SPTY2D1: variants seen among roughly 807,000 people sequenced by gnomAD.
The protein encoded by SPTY2D1 is protein SPT2 homolog.
In SPTY2D1, 21 loss-of-function variants were observed where a neutral mutation model predicts 64.0. The ratio of observed to expected loss-of-function variants is 0.33; its 90% CI spans 0.23 to 0.47. SPTY2D1 has a LOEUF of 0.47. Ranked by LOEUF, SPTY2D1 falls within the 20% of genes least tolerant of loss-of-function variation. SPTY2D1 has a pLI of 1.00. For synonymous variants in SPTY2D1, 287 were observed against 286.8 expected (o/e 1.00, Z -0.01); for missense variants, 724 against 837.2 (o/e 0.86, Z 1.67).
chr11:18,627,535 G>A (rs1313667574), intron 1 of SPTY2D1, among the ~76,000 whole-genome samples: 1 of 152,028 alleles, frequency 6.6e-6, no homozygotes, highest in Non-Finnish European at 1.5e-5. Flanking sequence ...TTGAGGTCAG[G>A]AGTCCAAGAC....
At position 18,616,028 on chromosome 11, in the gene SPTY2D1, T is replaced by G. The variant is rs35846956; in HGVS notation, c.246A>C (p.Ala82=). The change falls in exon 3 of 6, where the codon GCA becomes GCC. Residue 82 remains alanine, a synonymous_variant. Coordinates refer to ENST00000336349, the MANE Select transcript of SPTY2D1 (RefSeq NM_194285.3). ...KRIELKHDKK[A]RAMAKRTKDN... ...CCTTTGTCCTCTTGGCCATAGCTCT[T>G]GCTTTCTTGTCATGTTTGAGCTCAA... 1 of 1,614,102 alleles carries G rather than the reference T, an allele frequency of 6.2e-7. No homozygotes were observed. Among genetic ancestry groups the G allele is most frequent in the African/African-American group, 1.3e-5 (1 of 75,034 alleles).
intron 1 of SPTY2D1, among the ~76,000 whole-genome samples, chr11:18,630,809 T>TTTTTA (rs1184756802): frequency 6.6e-6 from 1 of 152,094 alleles, no homozygotes; most frequent in Non-Finnish European, 1.5e-5. Flanking sequence ...TAGCTGTCTT[T>TTTTTA]TTTTATTTTA....
At chr11:18,632,809 G>T (rs139122641) in intron 1 of SPTY2D1, among the ~76,000 whole-genome samples, 1 of 152,172 alleles carries the variant, frequency 6.6e-6, no homozygotes, top group African/African-American at 2.4e-5. Context: ...AATAAGAAAT[G>T]ACTTAGTTCT....
Position 18,612,912 on chromosome 11 carries a change from G to A in SPTY2D1, c.1712-424C>T, listed in dbSNP as rs1000661750. Among the ~76,000 whole-genome samples the A allele has an allele frequency of 1.3e-5, 2 of 152,000 alleles. No homozygotes were observed. The highest frequency in any genetic ancestry group is 2.4e-5 in the African/African-American group (1 of 41,376). On this transcript the variant is annotated intron_variant, in intron 3 of 5. Coordinates refer to ENST00000336349, the MANE Select transcript of SPTY2D1 (RefSeq NM_194285.3). The surrounding 1 kb of genome is among the most constrained non-coding windows in gnomAD (Gnocchi z 4.6). ...CCCGAGTAGCTGGGATTATAGGCAT[G>A]TGCCACAACGCCTGGCTAATTTTGT...
chr11:18,631,455 G>A (rs1854585940), intron 1 of SPTY2D1, among the ~76,000 whole-genome samples: 1 of 151,982 alleles, frequency 6.6e-6, no homozygotes, highest in South Asian at 2.1e-4. Flanking sequence ...TACTCAGGAG[G>A]CTGAGGCAGG....
chr11:18,625,817 CTTT>C (rs779130410), intron 1 of SPTY2D1, among the ~76,000 whole-genome samples: 5 of 118,906 alleles, frequency 4.2e-5, no homozygotes, highest in Middle Eastern at 4.3e-3. Flanking sequence ...CCAACACTTT[CTTT>C]TTTTTTTTTT....
In SPTY2D1 at chr11:18,612,447, G is replaced by A; in HGVS notation, c.1753C>T (p.Arg585Ter). ...TCGTCATCTTCCTCTTCATATTCTCGCTGCCTTTTGTAACCAGTAGGGAAG... is the reference window on the plus strand; with the variant it reads ...TCGTCATCTTCCTCTTCATATTCTCACTGCCTTTTGTAACCAGTAGGGAAG... ...LPFPTGYKRQ[R>*]EYEEEDDDDD... The change falls in exon 4 of 6, where the codon CGA becomes TGA. Residue 585 changes from arginine to a stop codon, truncating the protein, a stop_gained. Transcript: ENST00000336349. LOFTEE classifies it high-confidence loss of function. This position sits in a 1 kb window ranked among gnomAD's most constrained non-coding sequence, Gnocchi z 4.6. The A allele has an allele frequency of 6.2e-7, 1 of 1,606,016 alleles. No individual in the cohort carries two copies. Among genetic ancestry groups the A allele is most frequent in the Admixed American group, 1.7e-5 (1 of 59,264 alleles).
In SPTY2D1 at chr11:18,614,815, G is replaced by A. The variant is rs139020346; in HGVS notation, c.1459C>T (p.Arg487Trp). Reference protein sequence around the residue: ...RPVSGLGPPGRSVSGPGRSIS... With the variant: ...RPVSGLGPPGWSVSGPGRSIS... Reference sequence around the variant, plus strand: ...GATCTCCCAGGGCCACTGACAGACCGCCCCGGGGGGCCCAAGCCACTCACT... The same window carrying A: ...GATCTCCCAGGGCCACTGACAGACCACCCCGGGGGGCCCAAGCCACTCACT... The change falls in exon 3 of 6, where the codon CGG (arginine) becomes TGG (tryptophan). Residue 487 changes from arginine to tryptophan, a missense_variant. Around this residue, in one of 3 missense-constraint regions of SPTY2D1, gnomAD observed 426 missense variants for 431.8 expected, o/e 0.99. Coordinates refer to ENST00000336349, the MANE Select transcript of SPTY2D1 (RefSeq NM_194285.3). 16 of 1,613,054 alleles carry A rather than the reference G, an allele frequency of 9.9e-6. No individual in the cohort carries two copies. In the East Asian group the frequency reaches 1.1e-4, roughly 11 times the overall value.
chr11:18,615,424 G>T lies in SPTY2D1; in HGVS notation c.850C>A (p.Pro284Thr). Residue 284 changes from proline to threonine, a missense_variant, in exon 3 of 6, where the codon CCA becomes ACA. By Grantham distance (38) the Pro-to-Thr change is conservative. This residue lies in a region of SPTY2D1 where 426 missense variants were observed against 431.8 expected (regional missense o/e 0.99). Transcript: ENST00000336349. ...GATCCTGCCTTGATCCTCTCTCCTGGCATGGATTTGGATGAAGACAAAGCG... is the reference window on the plus strand; with the variant it reads ...GATCCTGCCTTGATCCTCTCTCCTGTCATGGATTTGGATGAAGACAAAGCG... ...HLALSSSKSM[P>T]GERIKAGSGN... 6.2e-7 allele frequency: 1 copy of T among 1,614,194 alleles called. No homozygotes were observed. The highest frequency in any genetic ancestry group is 1.1e-5 in the South Asian group (1 of 91,088).
rs1321911540 is a variant in SPTY2D1 at position 18,612,828 on chromosome 11, G to A, written c.1712-340C>T. The stretch of plus-strand genomic sequence containing the variant: ...TGCCTAGGCTGGAGTGCAATGGTGC[G>A]ATCTCGGCTCACTGCAACCTCTGCC... On this transcript the variant is annotated intron_variant, in intron 3 of 5. Transcript: ENST00000336349. This position sits in a 1 kb window ranked among gnomAD's most constrained non-coding sequence, Gnocchi z 4.6. Among the ~76,000 whole-genome samples, 3 of 151,016 alleles carry A rather than the reference G, an allele frequency of 2.0e-5. No homozygotes were observed. Among genetic ancestry groups the A allele is most frequent in the Non-Finnish European group, 2.9e-5 (2 of 67,906 alleles).
At chr11:18,622,103 A>AAAAAAAAAAAAAAAAAAAAAAAAAC in intron 1 of SPTY2D1, among the ~76,000 whole-genome samples, 2 of 147,958 alleles carry the variant, frequency 1.4e-5, no homozygotes, top group African/African-American at 4.9e-5. Context: ...AAAAAAAAAA[A>AAAAAAAAAAAAAAAAAAAAAAAAAC]ACCAAAACCA....
Position 18,615,916 on chromosome 11 carries a change from C to A in SPTY2D1, c.358G>T (p.Asp120Tyr), listed in dbSNP as rs572316263. ...ATESHTSQGT[D>Y]REYEMEEENE... ...TCTTCTTCCATTTCATACTCTCGGT[C>A]GGTTCCTTGGCTGGTATGGCTTTCT... Residue 120 changes from aspartate (D) to tyrosine (Y), a missense_variant, in exon 3 of 6, where the codon GAC (aspartate) becomes TAC (tyrosine). By Grantham distance (160) the Asp-to-Tyr change is radical (BLOSUM62 -3). Transcript: ENST00000336349. 2 of 1,613,992 alleles carry A rather than the reference C, an allele frequency of 1.2e-6. No homozygotes were observed. The highest frequency in any genetic ancestry group is 1.7e-6 in the Non-Finnish European group (2 of 1,180,042).
chr11:18,632,491 G>A (rs775278573), intron 1 of SPTY2D1, among the ~76,000 whole-genome samples: 3 of 152,008 alleles, frequency 2.0e-5, no homozygotes, highest in Non-Finnish European at 4.4e-5. Flanking sequence ...TGGGATTACA[G>A]GCGCACACCA....
At chr11:18,623,986 T>C (rs761621497) in intron 1 of SPTY2D1, among the ~76,000 whole-genome samples, 1 of 152,252 alleles carries the variant, frequency 6.6e-6, no homozygotes, top group Non-Finnish European at 1.5e-5. Flanking sequence ...TTGGCTATTA[T>C]GAATAATGCT....
In SPTY2D1 at chr11:18,622,086, CAAAA is replaced by C. The variant is rs747593791; in HGVS notation, c.61-5101_61-5098del. On this transcript the variant is annotated intron_variant, in intron 1 of 5. Coordinates refer to ENST00000336349, the MANE Select transcript of SPTY2D1 (RefSeq NM_194285.3). ...TGAACAACAGAGTAAGACCCTATCT[CAAAA>C]AAAAAAAAAAAAAACCAAAACCAAA... 2.3e-3 allele frequency among the ~76,000 whole-genome samples: 27 copies of C among 11,834 alleles called. 1 individual carries two copies. The highest frequency in any genetic ancestry group is 5.2e-3 in the Admixed American group (3 of 572). 7.8% of individuals were successfully genotyped at this position (11,834 alleles called of 152,430 possible). A position where few individuals can be genotyped will look rare whatever the true frequency, so the allele number is the denominator to read the frequency against.
At position 18,609,580 on chromosome 11, in the gene SPTY2D1, C is replaced by T; in HGVS notation, c.*281G>A. 2.7e-6 allele frequency: 1 copy of T among 369,614 alleles called. No individual in the cohort carries two copies. 22.9% of individuals were successfully genotyped at this position (369,614 alleles called of 1,614,324 possible). A position where few individuals can be genotyped will look rare whatever the true frequency, so the allele number is the denominator to read the frequency against. On this transcript the variant is annotated 3_prime_UTR_variant, in exon 6 of 6. Transcript: ENST00000336349. Reference sequence around the variant, plus strand: ...ATTGGCTGACTGGTGAGTGGCCCCACATTAGAGTGCATAGCTCATCAGGAT... The same window carrying T: ...ATTGGCTGACTGGTGAGTGGCCCCATATTAGAGTGCATAGCTCATCAGGAT...
In SPTY2D1 at chr11:18,606,678, A is replaced by G; in HGVS notation, c.*3183T>C. Reference sequence around the variant, plus strand: ...AATAAATAGTAGTCTAATATATTCAATACATTGAAAATAAAACAACCAGTC... The same window carrying G: ...AATAAATAGTAGTCTAATATATTCAGTACATTGAAAATAAAACAACCAGTC... On this transcript the variant is annotated 3_prime_UTR_variant, in exon 6 of 6. Coordinates refer to ENST00000336349, the MANE Select transcript of SPTY2D1 (RefSeq NM_194285.3). 1 of 410,036 alleles carries G rather than the reference A, an allele frequency of 2.4e-6. No homozygotes were observed. The highest frequency in any genetic ancestry group is 1.8e-5 in the South Asian group (1 of 55,138). The allele number at this position is 410,036 out of a possible 1,614,324, so 25.4% of individuals were successfully genotyped here.
chr11:18,614,213 C>T (rs950730136), intron 3 of SPTY2D1, among the ~76,000 whole-genome samples: 2 of 152,072 alleles, frequency 1.3e-5, no homozygotes, highest in African/African-American at 2.4e-5. Flanking sequence ...CTCTGAGCCC[C>T]GGAGTTAGAA....
At chr11:18,610,065 A>ATTTTTGTG in intron 5 of SPTY2D1, 111 bp from the exon 6 acceptor site, 1 of 903,422 alleles carries the variant, frequency 1.1e-6, no homozygotes, top group Non-Finnish European at 1.7e-6. Flanking sequence ...TGATGCTCTC[A>ATTTTTGTG]AAATGCCTCA....
Sources: gnomAD v4.1 joint callset for allele counts (sites outside exome capture counted in the v4.1 genomes callset) on GRCh38, gnomAD v4.1.1 for gene constraint, gnomAD v4.1.1 regional missense constraint, Gnocchi (gnomAD v3.1) non-coding constraint, MANE v1.5 for transcripts, NCBI Gene and HGNC (gene_info 2026-07-23, HGNC 2026-07-21) for gene names.